The following RBBP6 variants were observed in gnomAD, a reference collection of about 807,000 sequenced individuals.
RBBP6 encodes RB binding protein 6, ubiquitin ligase, also known as E3 ubiquitin-protein ligase RBBP6.
A neutral mutation model predicts 167.7 loss-of-function variants in RBBP6; 25 were observed. The ratio of observed to expected loss-of-function variants is 0.15; its 90% CI spans 0.11 to 0.21. RBBP6 has a LOEUF of 0.21. Among genes scored for constraint, RBBP6 ranks in the 10% least tolerant of loss-of-function variants. RBBP6 has a pLI of 1.00. For synonymous variants in RBBP6, 789 were observed against 735.8 expected (o/e 1.07, Z -1.17); for missense variants, 1,868 against 2,134.2 (o/e 0.88, Z 2.46).
rs1055731580 is a variant in RBBP6 at position 24,540,407 on chromosome 16, C to A, written c.-220C>A. On this transcript the variant is annotated 5_prime_UTR_variant, in exon 1 of 18. Coordinates refer to ENST00000319715, the MANE Select transcript of RBBP6 (RefSeq NM_006910.5). ...TTCCCCTCTTCCCCGTCCTCGTCCT[C>A]CTCCTCCCCCATGAAGTGATTCTGA... is the stretch of plus-strand genomic sequence containing the variant. 2 of 434,138 alleles carry A rather than the reference C, an allele frequency of 4.6e-6. No homozygotes were observed. Among genetic ancestry groups the A allele is most frequent in the Admixed American group, 8.0e-5 (2 of 24,910 alleles). The allele number at this position is 434,138 out of a possible 1,614,324, so 26.9% of individuals were successfully genotyped here.
chr16:24,539,604 A>C lies in RBBP6; in HGVS notation c.-1023A>C, dbSNP rs930986167. The C allele has an allele frequency of 6.6e-6, 1 of 152,128 alleles. No individual in the cohort carries two copies. The highest frequency in any genetic ancestry group is 2.4e-5 in the African/African-American group (1 of 41,406). The allele number at this position is 152,128 out of a possible 1,614,324, so 9.4% of individuals were successfully genotyped here. A position where few individuals can be genotyped will look rare whatever the true frequency, so the allele number is the denominator to read the frequency against. On this transcript the variant is annotated 5_prime_UTR_variant, in exon 1 of 18. Coordinates refer to ENST00000319715, the MANE Select transcript of RBBP6 (RefSeq NM_006910.5). Reference sequence around the variant, plus strand: ...CGTCCGAAGCCAGGCCGCGTCCGCCATAGTACCTGGCTTGGAGGTGTCGCC... The same window carrying C: ...CGTCCGAAGCCAGGCCGCGTCCGCCCTAGTACCTGGCTTGGAGGTGTCGCC...
chr16:24,562,079 T>A lies in RBBP6; in HGVS notation c.1207T>A (p.Ser403Thr). The A allele has an allele frequency of 6.2e-7, 1 of 1,613,548 alleles. No individual in the cohort carries two copies. ...GGCCCCTCCTGTGTCTGGAAATCCGTCTTCTGCTCCAGCTCCTGTACCTGA... is the reference window on the plus strand; with the variant it reads ...GGCCCCTCCTGTGTCTGGAAATCCGACTTCTGCTCCAGCTCCTGTACCTGA... The part of the protein sequence containing the change: ...SLAPPVSGNP[S>T]SAPAPVPDIT... The change falls in exon 10 of 18, where the codon TCT becomes ACT. Residue 403 changes from serine to threonine, a missense_variant. Coordinates refer to ENST00000319715, the MANE Select transcript of RBBP6 (RefSeq NM_006910.5).
In RBBP6 at chr16:24,545,352, G is replaced by A. The variant is rs184659646; in HGVS notation, c.167-811G>A. On this transcript the variant is annotated intron_variant, in intron 1 of 17. Transcript: ENST00000319715. ...CTCCCAAAATGCTGGTATTACAGGC[G>A]TGAACCACCGCGCCTGGCCAGTAGT... Among the ~76,000 whole-genome samples, 43 of 152,274 alleles carry A rather than the reference G, an allele frequency of 2.8e-4. No individual in the cohort carries two copies. The East Asian group carries it at 7.7e-3, about 27-fold the overall frequency.
rs767524350 is a variant in RBBP6, at chr16:24,553,572, AT to A, written c.348+16del. 6.5e-7 allele frequency: 1 copy of A among 1,533,138 alleles called. No individual in the cohort carries two copies. Among genetic ancestry groups the A allele is most frequent in the Non-Finnish European group, 8.9e-7 (1 of 1,126,818 alleles). 95.0% of individuals were successfully genotyped at this position (1,533,138 alleles called of 1,614,324 possible). ...AGCTTACAAAGGTATATATATATAT[AT>A]ATTCTTGAAAATATAAGTTTTTTTC... On this transcript the variant is annotated intron_variant, in intron 4 of 17. Transcript: ENST00000319715.
At chr16:24,544,359 G>A (rs1212700171) in intron 1 of RBBP6, among the ~76,000 whole-genome samples, 1 of 152,132 alleles carries the variant, frequency 6.6e-6, no homozygotes, top group Non-Finnish European at 1.5e-5. Context: ...CTAAATCTAG[G>A]AAATTGCCTA....
intron 8 of RBBP6, among the ~76,000 whole-genome samples, chr16:24,560,117 T>G (rs1004835799): frequency 1.3e-4 from 19 of 149,458 alleles, no homozygotes; most frequent in Non-Finnish European, 1.6e-4. Context: ...TTTTGTTTTT[T>G]TTTTTTTTTT....
At chr16:24,559,843 T>A in intron 8 of RBBP6, 166 bp downstream of exon 8, 1 of 508,158 alleles carries the variant, frequency 2.0e-6, no homozygotes, top group Non-Finnish European at 3.1e-6. Flanking sequence ...TTGCTGTATC[T>A]TTTTTAAACA....
At chr16:24,563,940 G>A (rs1899134100) in intron 13 of RBBP6, among the ~76,000 whole-genome samples, 1 of 151,902 alleles carries the variant, frequency 6.6e-6, no homozygotes. Flanking sequence ...GATCTTGACA[G>A]GACTTCAGTT....
intron 1 of RBBP6, among the ~76,000 whole-genome samples, chr16:24,542,049 A>G (rs1380819663): frequency 6.6e-6 from 1 of 152,208 alleles, no homozygotes; most frequent in Non-Finnish European, 1.5e-5. Context: ...GGAAGAATTT[A>G]TTTGCTCAAA....
Position 24,570,294 on chromosome 16 carries a change from T to C in RBBP6, c.3604T>C (p.Leu1202=). 2 of 1,610,002 alleles carry C rather than the reference T, an allele frequency of 1.2e-6. No individual in the cohort carries two copies. The highest frequency in any genetic ancestry group is 1.7e-6 in the Non-Finnish European group (2 of 1,179,180). ...DRTPEKDKIS[L]SAPAKKIKLN... is the part of the protein sequence containing the mutation. ...GACCCCTGAAAAGGACAAAATTTCT[T>C]TAAGTGCGCCAGCCAAAAAAATCAA... The change falls in exon 17 of 18, where the codon TTA becomes CTA. Residue 1202 remains leucine (L), a synonymous_variant. Transcript: ENST00000319715.
intron 2 of RBBP6, among the ~76,000 whole-genome samples, chr16:24,548,639 G>A (rs189394958): frequency 4.6e-5 from 7 of 152,162 alleles, no homozygotes; most frequent in East Asian, 1.9e-4. Context: ...AATAAACTAC[G>A]TTTCTAAACA....
At chr16:24,555,475 TC>T in intron 4 of RBBP6, 139 bp from the exon 5 acceptor site, 1 of 674,940 alleles carries the variant, frequency 1.5e-6, no homozygotes, top group Non-Finnish European at 2.6e-6. Flanking sequence ...AAGTGCCTCT[TC>T]CAGGTTATAC....
At position 24,572,449 on chromosome 16, in the gene RBBP6, G is replaced by C; in HGVS notation, c.*4G>C. ...AGTGAAATCTGTCACTGTGTAAAAA[G>C]ACAGATTTTTTAAATTGACTTAATT... On this transcript the variant is annotated 3_prime_UTR_variant, in exon 18 of 18. Coordinates refer to ENST00000319715, the MANE Select transcript of RBBP6 (RefSeq NM_006910.5). The C allele has an allele frequency of 6.6e-7, 1 of 1,513,856 alleles. No individual in the cohort carries two copies. Among genetic ancestry groups the C allele is most frequent in the Non-Finnish European group, 8.8e-7 (1 of 1,136,452 alleles). The allele number at this position is 1,513,856 out of a possible 1,614,324, so 93.8% of individuals were successfully genotyped here.
chr16:24,553,641 T>A (rs1483716078), intron 4 of RBBP6, 84 bp downstream of exon 4: 7 of 1,118,126 alleles, frequency 6.3e-6, no homozygotes, highest in Non-Finnish European at 8.9e-6. Flanking sequence ...TTAAGAGGGG[T>A]TGGGGGAGGA....
chr16:24,550,480 G>C (rs1567272505), intron 3 of RBBP6, among the ~76,000 whole-genome samples: 1 of 150,634 alleles, frequency 6.6e-6, no homozygotes, highest in Non-Finnish European at 1.5e-5. Context: ...AAATTAGATT[G>C]ACTATCCTGG....
At chr16:24,565,235 G>A (rs1899165037) in intron 14 of RBBP6, among the ~76,000 whole-genome samples, 1 of 152,178 alleles carries the variant, frequency 6.6e-6, no homozygotes, top group Non-Finnish European at 1.5e-5. Flanking sequence ...GCTCCCAACT[G>A]TGAACAAGAA....
At chr16:24,554,597 C>A (rs918041418) in intron 4 of RBBP6, 1 of 151,908 alleles carries the variant, frequency 6.6e-6, no homozygotes, top group Non-Finnish European at 1.5e-5. Flanking sequence ...CTAAAGCCAT[C>A]CTATTTTATA....
In RBBP6 at chr16:24,572,391, T is replaced by C. The variant is rs1166224710; in HGVS notation, c.5325T>C (p.Asp1775=). 1.9e-6 allele frequency: 3 copies of C among 1,545,010 alleles called. No homozygotes were observed. Among genetic ancestry groups the C allele is most frequent in the African/African-American group, 1.4e-5 (1 of 72,130 alleles). Residue 1775 remains aspartate, a synonymous_variant, in exon 18 of 18, where the codon GAT becomes GAC. Coordinates refer to ENST00000319715, the MANE Select transcript of RBBP6 (RefSeq NM_006910.5). ...AAAAGAAGTCAAAGAAGAACAAAGA[T>C]AAAGAGAAGGAGAAGGAGAAAGATG... The part of the protein sequence containing the change: ...HKKKKSKKNK[D]KEKEKEKDDQ...
At chr16:24,547,981 A>G (rs1567271653) in intron 2 of RBBP6, among the ~76,000 whole-genome samples, 1 of 151,892 alleles carries the variant, frequency 6.6e-6, no homozygotes, top group Non-Finnish European at 1.5e-5. Flanking sequence ...AATTTGCCTC[A>G]TAAAATGCAT....
Sources: allele counts gnomAD v4.1 joint callset (sites outside exome capture counted in the v4.1 genomes callset), GRCh38; gene constraint gnomAD v4.1.1; transcripts MANE v1.5; gene names NCBI Gene and HGNC (gene_info 2026-07-23, HGNC 2026-07-21).